Variants in UBXN7 observed in about 807,000 individuals in gnomAD.
UBXN7 encodes the protein UBX domain protein 7.
Under a neutral mutation model 58.0 loss-of-function variants are expected in UBXN7, and 9 were observed. The ratio of observed to expected loss-of-function variants is 0.16; its 90% CI spans 0.09 to 0.27. The LOEUF (loss-of-function observed/expected upper bound fraction) is 0.27, where lower values mean the gene tolerates loss of function less well. Ranked by LOEUF, UBXN7 falls within the 10% of genes least tolerant of loss-of-function variation. UBXN7 has a pLI of 1.00. For synonymous variants in UBXN7, 208 were observed against 205.0 expected (o/e 1.01, Z -0.12); for missense variants, 328 against 599.6 (o/e 0.55, Z 4.73).
chr3:196,373,558 A>G (rs1417970191), intron 5 of UBXN7, among the ~76,000 whole-genome samples: 1 of 152,208 alleles, frequency 6.6e-6, no homozygotes, highest in African/African-American at 2.4e-5. Context: ...CTTAAGAATC[A>G]ATGAATTTGG....
In UBXN7 at chr3:196,353,071, C is replaced by A. The variant is rs1424472817; in HGVS notation, c.*3614G>T. The stretch of plus-strand genomic sequence containing the variant: ...AAAAATGTATAGGCATAGTGCAAAT[C>A]CCACAACTTTAACCCAACTACTTCC... On this transcript the variant is annotated 3_prime_UTR_variant, in exon 11 of 11. Coordinates refer to ENST00000296328, the MANE Select transcript of UBXN7 (RefSeq NM_015562.2). The A allele has an allele frequency of 6.6e-6, 1 of 152,142 alleles. No homozygotes were observed. The highest frequency in any genetic ancestry group is 2.4e-5 in the African/African-American group (1 of 41,424). 9.4% of individuals were successfully genotyped at this position (152,142 alleles called of 1,614,324 possible).
chr3:196,364,886 C>A (rs1728617863), intron 8 of UBXN7, among the ~76,000 whole-genome samples: 1 of 151,896 alleles, frequency 6.6e-6, no homozygotes. Context: ...AAGTAAACTT[C>A]AGGCGAACTT....
chr3:196,356,472 A>C lies in UBXN7; in HGVS notation c.*213T>G. On this transcript the variant is annotated 3_prime_UTR_variant, in exon 11 of 11. Transcript: ENST00000296328. ...TGGGGGGAGGGGGAGGCAGAAGGGTACGGAGTGGGGAGCGAGAAAACAGAA... is the reference window on the plus strand; with the variant it reads ...TGGGGGGAGGGGGAGGCAGAAGGGTCCGGAGTGGGGAGCGAGAAAACAGAA... 2.1e-6 allele frequency: 1 copy of C among 478,824 alleles called. No homozygotes were observed. 29.7% of individuals were successfully genotyped at this position (478,824 alleles called of 1,614,324 possible).
chr3:196,409,987 C>A (rs909790365), intron 1 of UBXN7, among the ~76,000 whole-genome samples: 6 of 149,228 alleles, frequency 4.0e-5, no homozygotes, highest in African/African-American at 1.5e-4. Flanking sequence ...ATCACCCAGG[C>A]TGGAGTGTAA....
At position 196,352,407 on chromosome 3, in the gene UBXN7, G is replaced by C. The variant is rs1383157843; in HGVS notation, c.*4278C>G. On this transcript the variant is annotated 3_prime_UTR_variant, in exon 11 of 11. Coordinates refer to ENST00000296328, the MANE Select transcript of UBXN7 (RefSeq NM_015562.2). This position sits in a 1 kb window ranked among gnomAD's most constrained non-coding sequence, Gnocchi z 4.1. ...GGATTACAGACAGCCACCATGCCTGGCTAATTTTTGTATTTTTCAGTAGAG... is the reference window on the plus strand; with the variant it reads ...GGATTACAGACAGCCACCATGCCTGCCTAATTTTTGTATTTTTCAGTAGAG... The C allele has an allele frequency of 2.0e-5, 3 of 151,906 alleles. No homozygotes were observed. The highest frequency in any genetic ancestry group is 4.4e-5 in the Non-Finnish European group (3 of 68,002). The allele number at this position is 151,906 out of a possible 1,614,324, so 9.4% of individuals were successfully genotyped here.
rs758985897 is a variant in UBXN7 at position 196,355,601 on chromosome 3, G to C, written c.*1084C>G. On this transcript the variant is annotated 3_prime_UTR_variant, in exon 11 of 11. Coordinates refer to ENST00000296328, the MANE Select transcript of UBXN7 (RefSeq NM_015562.2). ...ACTCATGTTCAATTCAGTCACCAGA[G>C]CCTTTTAGAGACTATTCCAACCAGG... 6.6e-6 allele frequency: 1 copy of C among 152,156 alleles called. No homozygotes were observed. The highest frequency in any genetic ancestry group is 1.5e-5 in the Non-Finnish European group (1 of 68,030). The allele number at this position is 152,156 out of a possible 1,614,324, so 9.4% of individuals were successfully genotyped here.
chr3:196,395,648 G>A (rs908110371), intron 3 of UBXN7, among the ~76,000 whole-genome samples: 3 of 151,954 alleles, frequency 2.0e-5, no homozygotes, highest in African/African-American at 7.3e-5. Context: ...TAAGAGACGG[G>A]CATGTCACTA....
At chr3:196,398,663 G>A (rs542238179) in intron 3 of UBXN7, among the ~76,000 whole-genome samples, 1 of 152,246 alleles carries the variant, frequency 6.6e-6, no homozygotes, top group African/African-American at 2.4e-5. Flanking sequence ...TTTGAGATGA[G>A]GTCTGTCATC....
At chr3:196,381,141 G>A (rs112522998) in intron 5 of UBXN7, among the ~76,000 whole-genome samples, 133 of 152,362 alleles carry the variant, frequency 8.7e-4, no homozygotes, top group African/African-American at 3.1e-3. Flanking sequence ...CTCCCAGCAT[G>A]GTGTTTGAGC....
chr3:196,420,825 A>C (rs1371216390), intron 1 of UBXN7, among the ~76,000 whole-genome samples: 1 of 152,152 alleles, frequency 6.6e-6, no homozygotes, highest in Non-Finnish European at 1.5e-5. Flanking sequence ...ACTCTAATGC[A>C]CATTGTCTAC....
chr3:196,426,841 C>T (rs1730866533), intron 1 of UBXN7, among the ~76,000 whole-genome samples: 1 of 148,748 alleles, frequency 6.7e-6, no homozygotes, highest in East Asian at 2.0e-4. Flanking sequence ...GAGTGAGACT[C>T]TGTCTCAAAA....
chr3:196,387,250 A>G (rs1044328936), intron 5 of UBXN7, among the ~76,000 whole-genome samples: 11 of 152,220 alleles, frequency 7.2e-5, no homozygotes, highest in African/African-American at 2.7e-4. Flanking sequence ...GAAAGCTGAA[A>G]CTGGATCCCT....
intron 5 of UBXN7, among the ~76,000 whole-genome samples, chr3:196,381,658 A>G (rs1729210444): frequency 6.6e-6 from 1 of 152,268 alleles, no homozygotes; most frequent in African/African-American, 2.4e-5. Context: ...TGACAGAAGT[A>G]GTCTTCAGAA....
chr3:196,380,954 G>C (rs1577447481), intron 5 of UBXN7, among the ~76,000 whole-genome samples: 1 of 152,244 alleles, frequency 6.6e-6, no homozygotes, highest in South Asian at 2.1e-4. Context: ...GCTGAGGCTT[G>C]AATAGGTAAA....
At chr3:196,400,251 A>C (rs570862368) in intron 3 of UBXN7, 1 of 152,130 alleles carries the variant, frequency 6.6e-6, no homozygotes, top group Non-Finnish European at 1.5e-5. Flanking sequence ...AAGTTGTTTT[A>C]ACTTTACAGA....
chr3:196,371,142 T>A (rs976283349), intron 6 of UBXN7, among the ~76,000 whole-genome samples: 2 of 152,204 alleles, frequency 1.3e-5, no homozygotes, highest in Admixed American at 6.5e-5. Flanking sequence ...AATCTAAGTC[T>A]TAGCCAAATG....
At chr3:196,385,058 G>A (rs1221181756) in intron 5 of UBXN7, among the ~76,000 whole-genome samples, 2 of 152,240 alleles carry the variant, frequency 1.3e-5, no homozygotes, top group Non-Finnish European at 2.9e-5. Flanking sequence ...GCTGAGCCGA[G>A]GCTGGACTGT....
chr3:196,401,544 A>G (rs996475222), intron 3 of UBXN7, among the ~76,000 whole-genome samples: 15 of 150,554 alleles, frequency 1.0e-4, no homozygotes, highest in African/African-American at 3.4e-4. Flanking sequence ...CAAATACCGG[A>G]CGTTCTCATA....
intron 10 of UBXN7, among the ~76,000 whole-genome samples, chr3:196,360,458 T>C (rs1018033798): frequency 1.1e-4 from 16 of 152,286 alleles, no homozygotes; most frequent in Middle Eastern, 6.8e-3. Flanking sequence ...AAAATTATGT[T>C]AAATCTACTC....
Sources: gnomAD v4.1 joint callset for allele counts (sites outside exome capture counted in the v4.1 genomes callset) on GRCh38, gnomAD v4.1.1 for gene constraint, Gnocchi (gnomAD v3.1) non-coding constraint, MANE v1.5 for transcripts, NCBI Gene and HGNC (gene_info 2026-07-23, HGNC 2026-07-21) for gene names.